The following NT5C3B variants were observed in gnomAD, a reference collection of about 807,000 sequenced individuals.
NT5C3B encodes 5'-nucleotidase, cytosolic IIIB, also known as 7-methylguanosine phosphate-specific 5'-nucleotidase.
Under a neutral mutation model 32.5 loss-of-function variants are expected in NT5C3B, and 28 were observed. That is an observed-to-expected ratio of 0.86 (90% CI 0.64 to 1.18). The LOEUF is 1.18. Ranked by LOEUF, NT5C3B falls within the 50% of genes most tolerant of loss-of-function variation. The pLI is 0.00. For missense variants in NT5C3B, 317 were observed against 322.0 expected, an observed-to-expected ratio of 0.98 and a Z score of 0.12; for synonymous variants, 138 against 118.0, an observed-to-expected ratio of 1.17 and a Z score of -1.10.
In NT5C3B at chr17:41,828,509, G is replaced by C. The variant is rs529934443; in HGVS notation, c.567+281C>G. ...ACACCACCACGCCCGGCTTATTTCTGTATTTTTAGTACAGATGGACTTTCA... is the reference window on the plus strand; with the variant it reads ...ACACCACCACGCCCGGCTTATTTCTCTATTTTTAGTACAGATGGACTTTCA... On this transcript the variant is annotated intron_variant, in intron 7 of 8. Transcript: ENST00000435506. 1.9e-5 allele frequency: 5 copies of C among 257,506 alleles called. No homozygotes were observed. In the East Asian group the frequency reaches 3.9e-4, roughly 20 times the overall value. 16.0% of individuals were successfully genotyped at this position (257,506 alleles called of 1,614,324 possible).
At chr17:41,827,012 A>G (rs1453560870) in intron 8 of NT5C3B, among the ~76,000 whole-genome samples, 3 of 151,676 alleles carry the variant, frequency 2.0e-5, no homozygotes, top group Non-Finnish European at 2.9e-5. Flanking sequence ...AAAAAAAAAA[A>G]AAAAGAAAAA....
chr17:41,832,511 TC>T, intron 4 of NT5C3B, 34 bp from the exon 5 acceptor site: 1 of 1,583,024 alleles, frequency 6.3e-7, no homozygotes, highest in Non-Finnish European at 8.7e-7. Context: ...AGGCCATTAG[TC>T]CATATCAAGT....
chr17:41,832,271 A>T, intron 5 of NT5C3B, 121 bp downstream of exon 5: 1 of 767,256 alleles, frequency 1.3e-6, no homozygotes, highest in Non-Finnish European at 2.1e-6. Context: ...TAATAGTATT[A>T]AATTAAGCCC....
At chr17:41,828,697 T>C in intron 7 of NT5C3B, 93 bp downstream of exon 7, 1 of 1,216,974 alleles carries the variant, frequency 8.2e-7, no homozygotes, top group South Asian at 1.4e-5. Flanking sequence ...TCCCTCCCCT[T>C]CTTCCCCAGG....
chr17:41,836,113 G>T (rs1555619985), intron 1 of NT5C3B, 69 bp downstream of exon 1: 2 of 1,333,680 alleles, frequency 1.5e-6, no homozygotes, highest in Non-Finnish European at 1.9e-6. Context: ...TGACCAGCTG[G>T]GGGGCTCGAA....
chr17:41,829,594 G>A (rs1364691060), intron 6 of NT5C3B, among the ~76,000 whole-genome samples: 1 of 152,022 alleles, frequency 6.6e-6, no homozygotes, highest in East Asian at 1.9e-4. Flanking sequence ...TTTGTGCCTG[G>A]CTTATTTTGT....
At chr17:41,827,178 T>C (rs1597916222) in intron 8 of NT5C3B, among the ~76,000 whole-genome samples, 1 of 151,276 alleles carries the variant, frequency 6.6e-6, no homozygotes. Context: ...TGGTGGCGGG[T>C]GCCTGTAGTC....
intron 6 of NT5C3B, 93 bp from the exon 7 acceptor site, chr17:41,829,045 A>G: frequency 1.7e-6 from 2 of 1,145,030 alleles, no homozygotes; most frequent in Non-Finnish European, 1.3e-6. Context: ...TTTGTGAGAC[A>G]GGGTCTTGCT....
intron 4 of NT5C3B, among the ~76,000 whole-genome samples, chr17:41,832,904 G>T (rs1555619248): frequency 6.6e-6 from 1 of 152,140 alleles, no homozygotes; most frequent in Non-Finnish European, 1.5e-5. Flanking sequence ...TCATCTAAGA[G>T]AGTGTTACAT....
intron 4 of NT5C3B, among the ~76,000 whole-genome samples, chr17:41,833,410 G>A (rs8069503): frequency 0.76 from 115,698 of 151,682 alleles, 44,391 homozygotes; most frequent in Admixed American, 0.84. Context: ...TCCGCCTCCC[G>A]GGTTCGAGCA....
intron 8 of NT5C3B, among the ~76,000 whole-genome samples, chr17:41,826,999 CAAA>C (rs34220910): frequency 2.5e-4 from 30 of 118,804 alleles, no homozygotes; most frequent in Non-Finnish European, 2.9e-4. Flanking sequence ...GACTCTATCT[CAAA>C]AAAAAAAAAA....
intron 4 of NT5C3B, among the ~76,000 whole-genome samples, chr17:41,834,119 G>A (rs941012449): frequency 2.6e-5 from 4 of 152,010 alleles, no homozygotes; most frequent in Admixed American, 6.6e-5. Flanking sequence ...AATCAGGCTG[G>A]GCAAGATGGC....
chr17:41,836,119 T>C, intron 1 of NT5C3B, 63 bp downstream of exon 1: 1 of 1,327,496 alleles, frequency 7.5e-7, no homozygotes, highest in Non-Finnish European at 9.6e-7. Flanking sequence ...GCTGGGGGGC[T>C]CGAAGCGCCC....
At chr17:41,827,021 A>G (rs1219213262) in intron 8 of NT5C3B, among the ~76,000 whole-genome samples, 3 of 151,488 alleles carry the variant, frequency 2.0e-5, no homozygotes, top group East Asian at 1.9e-4. Context: ...AAAAAAGAAA[A>G]AAAAGCTGGG....
chr17:41,827,417 T>A lies in NT5C3B; in HGVS notation c.768+9A>T. 1.1e-6 allele frequency: 1 copy of A among 872,162 alleles called. No homozygotes were observed. Among genetic ancestry groups the A allele is most frequent in the South Asian group, 1.3e-5 (1 of 76,478 alleles). 54.0% of individuals were successfully genotyped at this position (872,162 alleles called of 1,614,324 possible). On this transcript the variant is annotated intron_variant, in intron 8 of 8. Transcript: ENST00000435506. ...ACATGAAGAGAAGCAGCCCTGGTCC[T>A]CTACCCACCTTGTCATTCAGGAAGC...
At chr17:41,828,975 T>C (rs1364208895) in intron 6 of NT5C3B, 23 bp from the exon 7 acceptor site, 6 of 1,596,038 alleles carry the variant, frequency 3.8e-6, no homozygotes, top group African/African-American at 1.3e-5. Flanking sequence ...GGAGGAATTC[T>C]GAAATGGCAC....
intron 1 of NT5C3B, 77 bp from the exon 2 acceptor site, chr17:41,836,034 C>T (rs1555619950): frequency 1.4e-6 from 2 of 1,440,236 alleles, no homozygotes; most frequent in Non-Finnish European, 1.8e-6. Context: ...CGCTCGGGCG[C>T]GCGTGTGAGG....
At chr17:41,834,488 A>G (rs1555619504) in intron 4 of NT5C3B, among the ~76,000 whole-genome samples, 1 of 152,000 alleles carries the variant, frequency 6.6e-6, no homozygotes, top group Non-Finnish European at 1.5e-5. Context: ...GCTCATGCCT[A>G]TAAGCCCAGC....
At chr17:41,833,830 T>C (rs2081753996) in intron 4 of NT5C3B, among the ~76,000 whole-genome samples, 1 of 152,208 alleles carries the variant, frequency 6.6e-6, no homozygotes, top group Admixed American at 6.5e-5. Flanking sequence ...TTTCCTTCTA[T>C]GTGCCAAGAC....
Sources: allele counts gnomAD v4.1 joint callset (sites outside exome capture counted in the v4.1 genomes callset), GRCh38; gene constraint gnomAD v4.1.1; transcripts MANE v1.5; gene names NCBI Gene and HGNC (gene_info 2026-07-23, HGNC 2026-07-21).